CFAP221: variants seen among roughly 807,000 people sequenced by gnomAD.
CFAP221 encodes the protein cilia- and flagella-associated protein 221.
In CFAP221, 97 loss-of-function variants were observed where a neutral mutation model predicts 113.1. The observed-to-expected ratio is 0.86, with a 90% CI of 0.73 to 1.02. CFAP221 has a LOEUF of 1.02. Among genes scored for constraint, CFAP221 ranks in the 50% least tolerant of loss-of-function variants. The pLI, the probability that CFAP221 is intolerant of heterozygous loss-of-function variation, is 0.00. For synonymous variants in CFAP221, 331 were observed against 354.4 expected, an observed-to-expected ratio of 0.93 and a Z score of 0.74; for missense variants, 1,025 against 1,013.4, an observed-to-expected ratio of 1.01 and a Z score of -0.16.
chr2:119,626,188 G>A (rs781263639), intron 15 of CFAP221, among the ~76,000 whole-genome samples: 1 of 152,056 alleles, frequency 6.6e-6, no homozygotes, highest in African/African-American at 2.4e-5. Context: ...TGACTCCCCT[G>A]TTTCCTTCCT....
At chr2:119,614,033 T>C (rs941923332) in intron 13 of CFAP221, among the ~76,000 whole-genome samples, 15 of 152,346 alleles carry the variant, frequency 9.8e-5, no homozygotes, top group African/African-American at 3.6e-4. Flanking sequence ...AAATCATCTC[T>C]CTCAAGTTCA....
At chr2:119,604,389 A>T (rs183541916) in intron 8 of CFAP221, among the ~76,000 whole-genome samples, 313 of 152,136 alleles carry the variant, frequency 2.1e-3, no homozygotes, top group African/African-American at 7.4e-3. Flanking sequence ...AGTCATGATC[A>T]TGCCACTGCA....
In CFAP221 at chr2:119,549,192, A is replaced by T. The variant is rs1427776378; in HGVS notation, c.240+7A>T. The stretch of plus-strand genomic sequence containing the variant: ...ACAACACCAACAGATTCTGGTAGGT[A>T]CTTTTTAAATGGGATAATTAATCAT... On this transcript the variant is annotated splice_region_variant and intron_variant, in intron 3 of 23. Coordinates refer to ENST00000413369, the MANE Select transcript of CFAP221 (RefSeq NM_001271049.2). 3 of 1,508,372 alleles carry T rather than the reference A, an allele frequency of 2.0e-6. No individual in the cohort carries two copies. The highest frequency in any genetic ancestry group is 2.1e-5 in the Admixed American group (1 of 48,106). The allele number at this position is 1,508,372 out of a possible 1,614,324, so 93.4% of individuals were successfully genotyped here. A position where few individuals can be genotyped will look rare whatever the true frequency, so the allele number is the denominator to read the frequency against.
At chr2:119,630,330 G>A (rs1686678780) in intron 17 of CFAP221, among the ~76,000 whole-genome samples, 1 of 152,162 alleles carries the variant, frequency 6.6e-6, no homozygotes. Context: ...CACTTAAGCC[G>A]TGTAGTATGG....
At chr2:119,599,687 G>A (rs1684233031) in intron 7 of CFAP221, among the ~76,000 whole-genome samples, 1 of 152,126 alleles carries the variant, frequency 6.6e-6, no homozygotes, top group African/African-American at 2.4e-5. Context: ...CTCCTCACAA[G>A]GGGGGCCTTT....
Position 119,602,677 on chromosome 2 carries a change from C to G in CFAP221, c.791+1300C>G, listed in dbSNP as rs151220384. On this transcript the variant is annotated intron_variant, in intron 8 of 23. Coordinates refer to ENST00000413369, the MANE Select transcript of CFAP221 (RefSeq NM_001271049.2). ...TGCTGAACCCAAATCCTGCAAATAA[C>G]CATCATTGAAATCACTCGGGCAACA... is the stretch of plus-strand genomic sequence containing the variant. The G allele has an allele frequency of 1.1e-3, 1,043 of 985,298 alleles. 12 individuals carry two copies. In the African/African-American group the frequency reaches 0.017, roughly 16 times the overall value. The allele number at this position is 985,298 out of a possible 1,614,324, so 61.0% of individuals were successfully genotyped here. A position where few individuals can be genotyped will look rare whatever the true frequency, so the allele number is the denominator to read the frequency against.
Position 119,577,977 on chromosome 2 carries a change from A to G in CFAP221, c.528-9142A>G, listed in dbSNP as rs1448692385. On this transcript the variant is annotated intron_variant, in intron 6 of 23. Coordinates refer to ENST00000413369, the MANE Select transcript of CFAP221 (RefSeq NM_001271049.2). ...GGGAGTGCTCCTCTCTGCTCCATGC[A>G]CAGCCAGCTAGGGCTGCTCAACTGG... 4.6e-5 allele frequency among the ~76,000 whole-genome samples: 7 copies of G among 152,306 alleles called. 1 individual carries two copies. The East Asian group carries it at 1.4e-3, about 29-fold the overall frequency.
intron 3 of CFAP221, chr2:119,557,215 C>T (rs954708553): frequency 2.0e-5 from 3 of 152,232 alleles, no homozygotes; most frequent in East Asian, 1.9e-4. Flanking sequence ...CTGACCCTGA[C>T]AGCATGTGGG....
At chr2:119,622,508 A>T (rs1300170391) in intron 14 of CFAP221, among the ~76,000 whole-genome samples, 1 of 152,226 alleles carries the variant, frequency 6.6e-6, no homozygotes, top group Non-Finnish European at 1.5e-5. Context: ...CTCCTCCCTA[A>T]CTCATTTTAT....
chr2:119,645,007 C>A (rs1273220776), intron 21 of CFAP221, among the ~76,000 whole-genome samples: 1 of 144,058 alleles, frequency 6.9e-6, no homozygotes, highest in Non-Finnish European at 1.5e-5. Context: ...CCCCCCACCC[C>A]CTCCCACCCA....
chr2:119,545,131 A>G (rs1679963491), intron 1 of CFAP221: 1 of 152,166 alleles, frequency 6.6e-6, no homozygotes, highest in Non-Finnish European at 1.5e-5. Context: ...CTGTCGCTTG[A>G]TGTTGTCCGT....
In CFAP221 at chr2:119,630,680, A is replaced by G. The variant is rs762559955; in HGVS notation, c.1839+3A>G. The G allele has an allele frequency of 1.9e-6, 3 of 1,609,460 alleles. No individual in the cohort carries two copies. The highest frequency in any genetic ancestry group is 2.6e-6 in the Non-Finnish European group (3 of 1,175,734). ...GAGCCCTAAAGCAAGGAGCTGAGGT[A>G]ACACACCCCCATCTTCCAGAATCTC... On this transcript the variant is annotated splice_donor_region_variant and intron_variant, in intron 18 of 23. Transcript: ENST00000413369.
intron 1 of CFAP221, among the ~76,000 whole-genome samples, chr2:119,545,732 T>C (rs572891555): frequency 6.6e-6 from 1 of 152,374 alleles, no homozygotes; most frequent in East Asian, 1.9e-4. Context: ...TATTTAACTG[T>C]TTACATCAAT....
At chr2:119,544,720 T>G (rs1573958993) in intron 1 of CFAP221, among the ~76,000 whole-genome samples, 5 of 148,376 alleles carry the variant, frequency 3.4e-5, no homozygotes, top group African/African-American at 5.0e-5. Context: ...TTAGCAGGAG[T>G]GGAATGAAAG....
chr2:119,614,106 A>G (rs1431789493), intron 13 of CFAP221, among the ~76,000 whole-genome samples: 1 of 152,238 alleles, frequency 6.6e-6, no homozygotes, highest in Non-Finnish European at 1.5e-5. Flanking sequence ...AAACAAAGAA[A>G]GAGTCACCTT....
chr2:119,566,379 G>A (rs913890140), intron 6 of CFAP221, among the ~76,000 whole-genome samples: 12 of 152,106 alleles, frequency 7.9e-5, no homozygotes, highest in South Asian at 2.1e-4. Context: ...CCCGACCACC[G>A]CCTCTGATGC....
In CFAP221 at chr2:119,562,009, T is replaced by C; in HGVS notation, c.427-5T>C. 1.3e-6 allele frequency: 2 copies of C among 1,528,590 alleles called. No homozygotes were observed. The highest frequency in any genetic ancestry group is 1.8e-6 in the Non-Finnish European group (2 of 1,142,054). 94.7% of individuals were successfully genotyped at this position (1,528,590 alleles called of 1,614,324 possible). On this transcript the variant is annotated splice_polypyrimidine_tract_variant and splice_region_variant and intron_variant, in intron 5 of 23. Coordinates refer to ENST00000413369, the MANE Select transcript of CFAP221 (RefSeq NM_001271049.2). The stretch of plus-strand genomic sequence containing the variant: ...TTAAACTTGACTTTTTCTGGTTAAT[T>C]TTAGGGAGATGACACTTTGCTTGTT...
At chr2:119,629,307 G>A (rs961113307) in intron 16 of CFAP221, among the ~76,000 whole-genome samples, 10 of 152,226 alleles carry the variant, frequency 6.6e-5, no homozygotes, top group Non-Finnish European at 1.2e-4. Flanking sequence ...GTTCACACCT[G>A]TGGAAGGCAG....
chr2:119,596,719 A>G (rs1424154198), intron 7 of CFAP221, among the ~76,000 whole-genome samples: 3 of 152,254 alleles, frequency 2.0e-5, no homozygotes, highest in African/African-American at 7.2e-5. Context: ...GCGTCTCAGT[A>G]TGCACACCAC....
Sources: gnomAD v4.1 joint callset for allele counts (sites outside exome capture counted in the v4.1 genomes callset) on GRCh38, gnomAD v4.1.1 for gene constraint, MANE v1.5 for transcripts, NCBI Gene and HGNC (gene_info 2026-07-23, HGNC 2026-07-21) for gene names.